The following CPNE1 variants were observed in gnomAD, a reference collection of about 807,000 sequenced individuals.
CPNE1 encodes the protein copine 1, also known as copine-1.
A neutral mutation model predicts 63.2 loss-of-function variants in CPNE1; 58 were observed. That is an observed-to-expected ratio of 0.92 (90% CI 0.74 to 1.14). The LOEUF (loss-of-function observed/expected upper bound fraction) is 1.14. CPNE1 is among the 50% of genes most tolerant of loss of function. The pLI is 0.00. For synonymous variants in CPNE1, 237 were observed against 249.0 expected, an observed-to-expected ratio of 0.95 and a Z score of 0.45; for missense variants, 672 against 661.7, an observed-to-expected ratio of 1.02 and a Z score of -0.17.
Position 35,631,984 on chromosome 20 carries a change from G to A in CPNE1, c.498C>T (p.Arg166=). ...CCAGGTGCCATTTCCCATCACCCTG[G>A]CGGAAGAACTCCAGAAATGGATCTG... ...GKSDPFLEFF[R]QGDGKWHLVY... Residue 166 remains arginine, a synonymous_variant, in exon 6 of 16, where the codon CGC becomes CGT. Transcript: ENST00000397443. 3 of 1,614,058 alleles carry A rather than the reference G, an allele frequency of 1.9e-6. No homozygotes were observed. Among genetic ancestry groups the A allele is most frequent in the Middle Eastern group, 1.6e-4 (1 of 6,062 alleles).
intron 1 of CPNE1, chr20:35,654,054 TCTTGAC>T (rs1404395473): frequency 6.2e-7 from 1 of 1,614,080 alleles, no homozygotes; most frequent in Non-Finnish European, 8.5e-7. Flanking sequence ...CATGTGGTGA[TCTTGAC>T]CTTGATCTTT....
chr20:35,655,481 A>G, intron 1 of CPNE1: 1 of 750,006 alleles, frequency 1.3e-6, no homozygotes, highest in South Asian at 2.0e-5. Context: ...TTTAATTTAG[A>G]TATTCTAAAA....
At chr20:35,650,817 A>C (rs538119912) in intron 1 of CPNE1, 4 of 152,748 alleles carry the variant, frequency 2.6e-5, no homozygotes, top group Admixed American at 6.5e-5. Context: ...CTGACTCACA[A>C]CACCAAAAAG....
chr20:35,644,554 TC>T (rs2146316448), intron 1 of CPNE1, among the ~76,000 whole-genome samples: 1 of 152,266 alleles, frequency 6.6e-6, no homozygotes, highest in South Asian at 2.1e-4. Flanking sequence ...TCTAATTTAA[TC>T]CCATACTGTA....
chr20:35,632,513 A>G lies in CPNE1; in HGVS notation c.309+4T>C, dbSNP rs1380786199. 1 of 1,613,180 alleles carries G rather than the reference A, an allele frequency of 6.2e-7. No homozygotes were observed. The highest frequency in any genetic ancestry group is 1.1e-5 in the South Asian group (1 of 91,070). ...GAAGGATCCTAATCCCCAGCCCTAC[A>G]TACCTGTCCTAGGGAACACTCAGCA... On this transcript the variant is annotated splice_donor_region_variant and intron_variant, in intron 3 of 15. Transcript: ENST00000397443.
In CPNE1 at chr20:35,632,523, T is replaced by C; in HGVS notation, c.303A>G (p.Leu101=). 1 of 1,613,582 alleles carries C rather than the reference T, an allele frequency of 6.2e-7. No individual in the cohort carries two copies. The highest frequency in any genetic ancestry group is 8.5e-7 in the Non-Finnish European group (1 of 1,179,678). ...DDFLGGAECS[L]GQIVSSQVLT... ...AATCCCCAGCCCTACATACCTGTCCTAGGGAACACTCAGCACCCCCTAGGA... is the reference window on the plus strand; with the variant it reads ...AATCCCCAGCCCTACATACCTGTCCCAGGGAACACTCAGCACCCCCTAGGA... Residue 101 remains leucine (L), a synonymous_variant, in exon 3 of 16, where the codon CTA becomes CTG. Transcript: ENST00000397443.
At chr20:35,630,320 A>G (rs1232734003) in intron 13 of CPNE1, 119 bp downstream of exon 13, 2 of 788,060 alleles carry the variant, frequency 2.5e-6, no homozygotes, top group Non-Finnish European at 4.2e-6. Flanking sequence ...CTAAAATTAA[A>G]TAAAATCCAC....
chr20:35,626,438 T>C, intron 15 of CPNE1, 57 bp from the exon 16 acceptor site: 1 of 1,607,038 alleles, frequency 6.2e-7, no homozygotes, highest in East Asian at 2.2e-5. Context: ...AAAGTCTGTA[T>C]TTCATGCTCA....
Position 35,626,219 on chromosome 20 carries a change from T to C in CPNE1, c.*22A>G. Reference sequence around the variant, plus strand: ...ACCTCTGGGACACAGGATTGAGGACTTGCCACAGCCTCCAAGGGAACCTAG... The same window carrying C: ...ACCTCTGGGACACAGGATTGAGGACCTGCCACAGCCTCCAAGGGAACCTAG... On this transcript the variant is annotated 3_prime_UTR_variant, in exon 16 of 16. Coordinates refer to ENST00000397443, the MANE Select transcript of CPNE1 (RefSeq NM_152925.3). The C allele has an allele frequency of 6.2e-7, 1 of 1,613,988 alleles. No individual in the cohort carries two copies. Among genetic ancestry groups the C allele is most frequent in the East Asian group, 2.2e-5 (1 of 44,864 alleles).
In CPNE1 at chr20:35,653,681, T is replaced by A. The variant is rs372644087; in HGVS notation, c.-1+11079A>T. On this transcript the variant is annotated intron_variant, in intron 1 of 15. Coordinates refer to ENST00000397443, the MANE Select transcript of CPNE1 (RefSeq NM_152925.3). ...GTAATGCTGAATGGAATATTTGTTA[T>A]GTGGGCACAGACTTTGGCAGAGTTG... 38 of 1,614,226 alleles carry A rather than the reference T, an allele frequency of 2.4e-5. No individual in the cohort carries two copies. In the African/African-American group the frequency reaches 4.1e-4, roughly 18 times the overall value.
At chr20:35,629,778 C>T (rs1373170061) in intron 13 of CPNE1, among the ~76,000 whole-genome samples, 1 of 151,964 alleles carries the variant, frequency 6.6e-6, no homozygotes, top group Non-Finnish European at 1.5e-5. Context: ...CCCACCTCAG[C>T]CTCCTGAGTA....
rs1302431012 is a variant in CPNE1 at position 35,627,266 on chromosome 20, C to A, written c.1236+14G>T. ...TTGATTGCCACCACTGCCACTGCCA[C>A]CCACGACTCTCACCGAGGCAGTCCC... is the stretch of plus-strand genomic sequence containing the variant. On this transcript the variant is annotated intron_variant, in intron 14 of 15. Transcript: ENST00000397443. The A allele has an allele frequency of 6.2e-7, 1 of 1,610,446 alleles. No homozygotes were observed. Among genetic ancestry groups the A allele is most frequent in the African/African-American group, 1.3e-5 (1 of 74,560 alleles).
At chr20:35,656,149 A>G (rs1193593737) in intron 1 of CPNE1, among the ~76,000 whole-genome samples, 8 of 152,228 alleles carry the variant, frequency 5.3e-5, no homozygotes, top group Non-Finnish European at 8.8e-5. Flanking sequence ...CTCAGGTCCA[A>G]TGACTCATAA....
At chr20:35,653,669 G>C (rs1221577267) in intron 1 of CPNE1, 1 of 1,614,156 alleles carries the variant, frequency 6.2e-7, no homozygotes, top group Admixed American at 1.7e-5. Context: ...ATGCTGAATG[G>C]AATATTTGTT....
chr20:35,646,127 T>A (rs1282786018), intron 1 of CPNE1, among the ~76,000 whole-genome samples: 125 of 132,258 alleles, frequency 9.5e-4, no homozygotes, highest in African/African-American at 3.5e-3. Context: ...TACAAAAAAA[T>A]TAAAAAAAAA....
At chr20:35,654,030 A>G (rs1295528614) in intron 1 of CPNE1, 1 of 1,614,232 alleles carries the variant, frequency 6.2e-7, no homozygotes, top group Admixed American at 1.7e-5. Context: ...TCAAGTAAAC[A>G]CAAAAACCAG....
intron 1 of CPNE1, among the ~76,000 whole-genome samples, chr20:35,647,079 G>A (rs2033149489): frequency 1.3e-5 from 2 of 152,174 alleles, no homozygotes; most frequent in African/African-American, 4.8e-5. Context: ...GGGAGGCTGA[G>A]GTGGGTGGAT....
In CPNE1 at chr20:35,630,813, A is replaced by T; in HGVS notation, c.996-18T>A. 6.2e-7 allele frequency: 1 copy of T among 1,611,968 alleles called. No individual in the cohort carries two copies. The highest frequency in any genetic ancestry group is 8.5e-7 in the Non-Finnish European group (1 of 1,179,058). ...GCTTGTCTCTGTGGGAGGACAGTGT[A>T]TTGGGCAAAAGGCAGTGAGGGGACT... On this transcript the variant is annotated intron_variant, in intron 11 of 15. Coordinates refer to ENST00000397443, the MANE Select transcript of CPNE1 (RefSeq NM_152925.3).
At chr20:35,641,383 G>A (rs768640672) in intron 1 of CPNE1, among the ~76,000 whole-genome samples, 3 of 152,140 alleles carry the variant, frequency 2.0e-5, no homozygotes, top group Non-Finnish European at 2.9e-5. Flanking sequence ...GATGCAGTGG[G>A]CAAGAGTGTG....
Sources: gnomAD v4.1 joint callset for allele counts (sites outside exome capture counted in the v4.1 genomes callset) on GRCh38, gnomAD v4.1.1 for gene constraint, MANE v1.5 for transcripts, NCBI Gene and HGNC (gene_info 2026-07-23, HGNC 2026-07-21) for gene names.